The following CXXC5 variants were observed in gnomAD, a reference collection of about 807,000 sequenced individuals.
CXXC5 encodes the protein CXXC-type zinc finger protein 5.
In CXXC5, 2 loss-of-function variants were observed where a neutral mutation model predicts 17.6. That is an observed-to-expected ratio of 0.11 (90% CI 0.05 to 0.36). The LOEUF is 0.36. Among genes scored for constraint, CXXC5 ranks in the 10% least tolerant of loss-of-function variants. The probability of loss-of-function intolerance (pLI) is 1.00; values close to 1 mark genes in which losing one functional copy is unlikely to be tolerated. For synonymous variants in CXXC5, 171 were observed against 193.0 expected, an observed-to-expected ratio of 0.89 and a Z score of 0.94; for missense variants, 343 against 458.3, an observed-to-expected ratio of 0.75 and a Z score of 2.30.
At chr5:139,650,088 T>C (rs1482373012) in intron 1 of CXXC5, among the ~76,000 whole-genome samples, 1 of 152,222 alleles carries the variant, frequency 6.6e-6, no homozygotes, top group Non-Finnish European at 1.5e-5. Context: ...TTTGTTCTTT[T>C]TTCCCCCCCG....
In CXXC5 at chr5:139,680,964, G is replaced by C; in HGVS notation, c.441G>C (p.Lys147Asn). Residue 147 changes from lysine to asparagine, a missense_variant, in exon 2 of 3, where the codon AAG (lysine) becomes AAC (asparagine). By Grantham distance (94) the Lys-to-Asn change is moderately conservative (BLOSUM62 0). This residue lies in a region of CXXC5 where 297 missense variants were observed against 363.4 expected (regional missense o/e 0.82). Coordinates refer to ENST00000302517, the MANE Select transcript of CXXC5 (RefSeq NM_016463.9). ...KSGAVASLLS[K>N]AERATELAAE... ...GTGCTGTGGCCAGCCTGCTGAGCAA[G>C]GCAGAGCGGGCCACGGAGCTGGCAG... The C allele has an allele frequency of 1.9e-6, 3 of 1,602,006 alleles. No individual in the cohort carries two copies. The highest frequency in any genetic ancestry group is 1.7e-6 in the Non-Finnish European group (2 of 1,179,934).
rs529372949 is a variant in CXXC5 at position 139,650,092 on chromosome 5, C to A, written c.-161+1247C>A. Among the ~76,000 whole-genome samples, 401 of 152,234 alleles carry A rather than the reference C, an allele frequency of 2.6e-3. 1 individual carries two copies. Among genetic ancestry groups the A allele is most frequent in the Non-Finnish European group, 4.3e-3 (292 of 67,996 alleles). On this transcript the variant is annotated intron_variant, in intron 1 of 2. Transcript: ENST00000302517. ...CAAGATCTCTTTTTGTTCTTTTTTCCCCCCCGGGAATCTGAAGGGGTGCGC... is the reference window on the plus strand; with the variant it reads ...CAAGATCTCTTTTTGTTCTTTTTTCACCCCCGGGAATCTGAAGGGGTGCGC...
intron 1 of CXXC5, among the ~76,000 whole-genome samples, chr5:139,660,881 C>T (rs1048910459): frequency 1.8e-4 from 24 of 134,458 alleles, no homozygotes; most frequent in African/African-American, 6.5e-4. Flanking sequence ...CACCCACTGG[C>T]TGGGAGGCCA....
At position 139,663,580 on chromosome 5, in the gene CXXC5, G is replaced by T. The variant is rs1199727299; in HGVS notation, c.-161+14735G>T. Among the ~76,000 whole-genome samples the T allele has an allele frequency of 6.6e-6, 1 of 152,130 alleles. No homozygotes were observed. Among genetic ancestry groups the T allele is most frequent in the Non-Finnish European group, 1.5e-5 (1 of 68,022 alleles). On this transcript the variant is annotated intron_variant, in intron 1 of 2. Transcript: ENST00000302517. The surrounding 1 kb of genome is among the most constrained non-coding windows in gnomAD (Gnocchi z 4.2). ...TGTCCATCCCCCCATGGTCCTGCAG[G>T]CTAGACGGGGAATGCTTTGTATTTG...
intron 1 of CXXC5, among the ~76,000 whole-genome samples, chr5:139,660,519 A>C (rs1008244851): frequency 1.3e-5 from 2 of 152,150 alleles, no homozygotes; most frequent in African/African-American, 4.8e-5. Context: ...TCCTATGCGA[A>C]GACCCCAACC....
intron 1 of CXXC5, among the ~76,000 whole-genome samples, chr5:139,652,864 T>C (rs1285797810): frequency 3.3e-5 from 5 of 152,216 alleles, no homozygotes; most frequent in Admixed American, 3.3e-4. Context: ...GTGTGCTTTG[T>C]ATATGCTTAT....
chr5:139,659,839 T>C (rs1755687832), intron 1 of CXXC5, among the ~76,000 whole-genome samples: 2 of 152,132 alleles, frequency 1.3e-5, no homozygotes, highest in Admixed American at 6.5e-5. Flanking sequence ...TTTCTCCCAC[T>C]GCCCACCGAG....
intron 1 of CXXC5, among the ~76,000 whole-genome samples, chr5:139,676,248 CCTCCTCCACAGTCCTTCTTGCCA>C (rs1756788917): frequency 3.6e-5 from 3 of 83,542 alleles, no homozygotes; most frequent in Admixed American, 1.1e-4. Flanking sequence ...CTCCTCCCCA[CCTCCTCCACAGTCCTTCTTGCCA>C]CCCTCCTCCC....
intron 1 of CXXC5, among the ~76,000 whole-genome samples, chr5:139,667,671 C>T (rs1318163002): frequency 6.6e-6 from 1 of 152,058 alleles, no homozygotes. Flanking sequence ...AATAGTCAGT[C>T]CTGTGCTCTT....
chr5:139,669,737 C>T (rs1756344919), intron 1 of CXXC5, among the ~76,000 whole-genome samples: 2 of 152,126 alleles, frequency 1.3e-5, no homozygotes, highest in South Asian at 2.1e-4. Context: ...CTCAGCCCCA[C>T]AGCCAAGCTA....
intron 2 of CXXC5, 30 bp downstream of exon 2, chr5:139,681,477 G>A (rs1202724738): frequency 6.5e-7 from 1 of 1,530,944 alleles, no homozygotes; most frequent in Non-Finnish European, 8.8e-7. Flanking sequence ...AGGTGTGTGG[G>A]CTCTTGTGTC....
intron 2 of CXXC5, 48 bp downstream of exon 2, chr5:139,681,495 C>T: frequency 1.3e-6 from 2 of 1,517,668 alleles, no homozygotes; most frequent in Non-Finnish European, 1.8e-6. Context: ...GTCTGTCTGG[C>T]AGTCCAAACC....
Position 139,681,452 on chromosome 5 carries a change from C to G in CXXC5, c.924+5C>G, listed in dbSNP as rs776427352. 6.4e-7 allele frequency: 1 copy of G among 1,554,880 alleles called. No individual in the cohort carries two copies. The highest frequency in any genetic ancestry group is 1.8e-5 in the Admixed American group (1 of 54,342). ...AAGCCTTCCGCTGCTCTGGAGGTAA[C>G]GGCGCCTTAGAGGGAGGTGTGTGGG... On this transcript the variant is annotated splice_donor_5th_base_variant and intron_variant, in intron 2 of 2. Transcript: ENST00000302517.
rs991612928 is a variant in CXXC5, at chr5:139,668,112, C to A, written c.-160-12252C>A. ...CCCCAACCTCAGGTAGGGGGCCTGG[C>A]CCGAGGCAAAAACCTCCCCAAATTT... On this transcript the variant is annotated intron_variant, in intron 1 of 2. Transcript: ENST00000302517. This position sits in a 1 kb window ranked among gnomAD's most constrained non-coding sequence, Gnocchi z 4.1. Among the ~76,000 whole-genome samples the A allele has an allele frequency of 2.6e-5, 4 of 152,200 alleles. No homozygotes were observed. Among genetic ancestry groups the A allele is most frequent in the Non-Finnish European group, 4.4e-5 (3 of 68,022 alleles).
At chr5:139,651,287 T>A (rs1266727284) in intron 1 of CXXC5, 1 of 152,248 alleles carries the variant, frequency 6.6e-6, no homozygotes, top group Non-Finnish European at 1.5e-5. Flanking sequence ...CAGGGCCTCC[T>A]ATCTCTCCCG....
intron 1 of CXXC5, among the ~76,000 whole-genome samples, chr5:139,652,358 T>C (rs1755261265): frequency 6.6e-6 from 1 of 151,408 alleles, no homozygotes; most frequent in African/African-American, 2.4e-5. Flanking sequence ...TTCTCTTACT[T>C]CCCCCTCACC....
intron 1 of CXXC5, among the ~76,000 whole-genome samples, chr5:139,665,990 G>A (rs1194136428): frequency 6.6e-6 from 1 of 152,214 alleles, no homozygotes; most frequent in African/African-American, 2.4e-5. Flanking sequence ...ACCAAAAATA[G>A]ACCAGTTCTT....
intron 1 of CXXC5, chr5:139,651,013 G>C (rs1755144009): frequency 6.6e-6 from 1 of 152,272 alleles, no homozygotes; most frequent in African/African-American, 2.4e-5. Flanking sequence ...GAAGAGATGG[G>C]AACAGCTGAA....
At chr5:139,682,667 C>T (rs1370780029) in intron 2 of CXXC5, among the ~76,000 whole-genome samples, 196 bp from the exon 3 acceptor site, 3 of 152,182 alleles carry the variant, frequency 2.0e-5, no homozygotes, top group East Asian at 3.8e-4. Context: ...TCAGAGTCCT[C>T]GGGGCCTTCC....
Sources: allele counts gnomAD v4.1 joint callset (sites outside exome capture counted in the v4.1 genomes callset), GRCh38; gene constraint gnomAD v4.1.1; regional missense constraint gnomAD v4.1.1; non-coding constraint Gnocchi (gnomAD v3.1); transcripts MANE v1.5; gene names NCBI Gene and HGNC (gene_info 2026-07-23, HGNC 2026-07-21).